Variants in OCA2 observed in about 807,000 individuals in gnomAD.
OCA2 encodes OCA2 melanosomal transmembrane protein.
OCA2 carries 77 observed loss-of-function variants against 100.2 expected under a neutral mutation model. That is an observed-to-expected ratio of 0.77 (90% CI 0.64 to 0.93). OCA2 has a LOEUF of 0.93. OCA2 is among the 40% of genes least tolerant of loss of function. The probability of loss-of-function intolerance (pLI) is 0.00; values close to 1 mark genes in which losing one functional copy is unlikely to be tolerated. For missense variants in OCA2, 1,062 were observed against 1,089.1 expected, an observed-to-expected ratio of 0.98 and a Z score of 0.35; for synonymous variants, 432 against 439.2, an observed-to-expected ratio of 0.98 and a Z score of 0.21.
chr15:27,831,447 C>G (rs757410088), intron 23 of OCA2, among the ~76,000 whole-genome samples: 1 of 152,188 alleles, frequency 6.6e-6, no homozygotes, highest in East Asian at 1.9e-4. Context: ...CAGACTACCC[C>G]ACCCTCTGCG....
chr15:27,801,550 CAAAAAAAAAAA>C (rs34636608), intron 23 of OCA2, among the ~76,000 whole-genome samples: 5 of 37,828 alleles, frequency 1.3e-4, no homozygotes, highest in Non-Finnish European at 2.5e-4. Context: ...GACTCGGTCT[CAAAAAAAAAAA>C]AAAAAAAAAA....
chr15:27,986,735 G>T, intron 11 of OCA2, 92 bp from the exon 12 acceptor site: 1 of 838,804 alleles, frequency 1.2e-6, no homozygotes, highest in Non-Finnish European at 2.1e-6. Flanking sequence ...TTGAGCTCTG[G>T]CCTCTGAAAG....
At chr15:28,032,277 A>G (rs979154552) in intron 2 of OCA2, 114 bp from the exon 3 acceptor site, 16 of 869,130 alleles carry the variant, frequency 1.8e-5, no homozygotes, top group Middle Eastern at 6.0e-4. Flanking sequence ...AAATCTTACA[A>G]GGAAATTTGC....
intron 23 of OCA2, among the ~76,000 whole-genome samples, chr15:27,773,966 A>G (rs770338296): frequency 2.0e-5 from 3 of 152,216 alleles, no homozygotes; most frequent in Non-Finnish European, 4.4e-5. Flanking sequence ...TTAAAATATC[A>G]TTCCGTTAAC....
At chr15:27,958,321 G>A (rs951643364) in intron 15 of OCA2, among the ~76,000 whole-genome samples, 1 of 152,202 alleles carries the variant, frequency 6.6e-6, no homozygotes, top group Non-Finnish European at 1.5e-5. Context: ...CTTCTTGCAG[G>A]AAATATTTCG....
At chr15:28,083,924 T>A (rs2044727091) in intron 1 of OCA2, among the ~76,000 whole-genome samples, 1 of 152,226 alleles carries the variant, frequency 6.6e-6, no homozygotes, top group Non-Finnish European at 1.5e-5. Context: ...ACCCAGCTTC[T>A]TTAGAAGAAC....
chr15:28,058,620 T>A (rs1038898732), intron 2 of OCA2, among the ~76,000 whole-genome samples: 1 of 152,184 alleles, frequency 6.6e-6, no homozygotes, highest in Non-Finnish European at 1.5e-5. Context: ...GGTGCCCTGC[T>A]GGGAACATGA....
intron 19 of OCA2, among the ~76,000 whole-genome samples, chr15:27,893,431 A>G (rs1432273027): frequency 6.6e-6 from 1 of 152,194 alleles, no homozygotes; most frequent in East Asian, 1.9e-4. Context: ...GACAACCTTA[A>G]GGTCTGACTG....
chr15:27,860,602 C>T (rs1389195946), intron 21 of OCA2, among the ~76,000 whole-genome samples: 1 of 152,198 alleles, frequency 6.6e-6, no homozygotes, highest in African/African-American at 2.4e-5. Context: ...ACCACCAGGT[C>T]CATCCATGTT....
chr15:27,749,610 AATT>A, the OCA2 span, among the ~76,000 whole-genome samples: 7 of 151,990 alleles, frequency 4.6e-5, no homozygotes, highest in Admixed American at 1.3e-4. Context: ...TTTTTTTTTT[AATT>A]CTGTAACTAA....
intron 11 of OCA2, 92 bp downstream of exon 11, chr15:27,989,509 T>A: frequency 9.8e-7 from 1 of 1,024,784 alleles, no homozygotes; most frequent in Non-Finnish European, 1.5e-6. Flanking sequence ...GCTGTGTCTT[T>A]AACATAATGA....
chr15:27,829,620 G>A (rs1020230881), intron 23 of OCA2, among the ~76,000 whole-genome samples: 1 of 152,222 alleles, frequency 6.6e-6, no homozygotes, highest in Non-Finnish European at 1.5e-5. Context: ...GGAGGTGTGA[G>A]CTGTGGCTGT....
intron 23 of OCA2, among the ~76,000 whole-genome samples, chr15:27,807,687 G>A (rs1317645440): frequency 6.6e-6 from 1 of 152,086 alleles, no homozygotes; most frequent in African/African-American, 2.4e-5. Flanking sequence ...CTCTTCGGAA[G>A]AAAATGGACT....
At chr15:28,038,520 G>A (rs1294367336) in intron 2 of OCA2, among the ~76,000 whole-genome samples, 1 of 152,116 alleles carries the variant, frequency 6.6e-6, no homozygotes, top group Non-Finnish European at 1.5e-5. Flanking sequence ...CACAGAACAG[G>A]GAGAGTACAG....
chr15:27,752,699 G>A (rs1595354566), downstream of OCA2, among the ~76,000 whole-genome samples: 1 of 145,778 alleles, frequency 6.9e-6, no homozygotes, highest in African/African-American at 2.6e-5. Flanking sequence ...CCCGGCCCTG[G>A]CTACCAAGTG....
intron 14 of OCA2, among the ~76,000 whole-genome samples, chr15:27,974,449 T>C (rs1000420279): frequency 1.3e-5 from 2 of 152,158 alleles, no homozygotes; most frequent in South Asian, 2.1e-4. Flanking sequence ...AAGTATTTCC[T>C]TATCTCCAAA....
intron 2 of OCA2, among the ~76,000 whole-genome samples, chr15:28,050,625 A>G (rs1218726257): frequency 6.6e-6 from 1 of 151,790 alleles, no homozygotes; most frequent in African/African-American, 2.4e-5. Context: ...GGGAATGAGC[A>G]TACGCACGCA....
In OCA2 at chr15:27,871,234, T is replaced by C; in HGVS notation, c.2164A>G (p.Ile722Val). ...CACACCACCAGGACAATGGCGGCTA[T>C]GAGGCGCTGCTCCTCTGGGACCATC... Reference protein sequence around the residue: ...IKMVPEEQRLIAAIVLVVWVS... With the variant: ...IKMVPEEQRLVAAIVLVVWVS... Residue 722 changes from isoleucine (I) to valine (V), a missense_variant, in exon 21 of 24, where the codon ATA (isoleucine) becomes GTA (valine). Transcript: ENST00000354638. The C allele has an allele frequency of 1.2e-6, 2 of 1,614,134 alleles. No homozygotes were observed. The highest frequency in any genetic ancestry group is 2.2e-5 in the South Asian group (2 of 91,084).
At chr15:27,874,118 A>C (rs751838431) in intron 19 of OCA2, among the ~76,000 whole-genome samples, 10 of 152,262 alleles carry the variant, frequency 6.6e-5, no homozygotes, top group Non-Finnish European at 1.2e-4. Flanking sequence ...ATAAACTAGG[A>C]GGTCTAAGAG....
Sources: allele counts gnomAD v4.1 joint callset (sites outside exome capture counted in the v4.1 genomes callset), GRCh38; gene constraint gnomAD v4.1.1; transcripts MANE v1.5; gene names NCBI Gene and HGNC (gene_info 2026-07-23, HGNC 2026-07-21).